PCDH11Y: variants seen among roughly 807,000 people sequenced by gnomAD.
The protein encoded by PCDH11Y is protocadherin 11 Y-linked, also known as protocadherin-11 Y-linked.
For missense variants in PCDH11Y, 12 were observed against 224.8 expected, an observed-to-expected ratio of 0.05 and a Z score of 6.05; for synonymous variants, 9 against 83.6, an observed-to-expected ratio of 0.11 and a Z score of 4.87.
intron 4 of PCDH11Y, among the ~76,000 whole-genome samples, chrY:5,713,179 C>CCT (rs2053587681): frequency 6.7e-5 from 1 of 14,943 alleles, no homozygotes; most frequent in Non-Finnish European, 1.5e-4. Context: ...AGCTGAATCT[C>CCT]CCCTCTATCA....
chrY:5,375,870 T>C, intron 2 of PCDH11Y, among the ~76,000 whole-genome samples: 1 of 33,204 alleles, frequency 3.0e-5, no homozygotes, highest in Non-Finnish European at 7.5e-5. Flanking sequence ...ATTTATTTAT[T>C]AATTATTGTA....
intron 2 of PCDH11Y, among the ~76,000 whole-genome samples, chrY:5,110,672 A>G (rs2052801921): frequency 3.1e-5 from 1 of 32,004 alleles, no homozygotes; most frequent in Non-Finnish European, 7.6e-5. Context: ...TACTTATTAT[A>G]TATCAGTTCT....
intron 4 of PCDH11Y, among the ~76,000 whole-genome samples, chrY:5,625,395 T>C: frequency 5.1e-5 from 1 of 19,558 alleles, no homozygotes; most frequent in Non-Finnish European, 1.2e-4. Flanking sequence ...CTTTTCTTTT[T>C]TTTTTTTTTT....
intron 2 of PCDH11Y, among the ~76,000 whole-genome samples, chrY:5,435,414 C>T: frequency 3.5e-5 from 1 of 28,898 alleles, no homozygotes; most frequent in Non-Finnish European, 8.2e-5. Flanking sequence ...CCCTGGTTCA[C>T]GCCATTCTCC....
intron 4 of PCDH11Y, among the ~76,000 whole-genome samples, chrY:5,605,366 G>C: frequency 3.0e-5 from 1 of 33,180 alleles, no homozygotes; most frequent in Non-Finnish European, 7.5e-5. Flanking sequence ...AATTGGCTCT[G>C]AGCCTCTGGG....
chrY:5,331,089 T>C (rs2124667548), intron 2 of PCDH11Y, among the ~76,000 whole-genome samples: 2 of 33,855 alleles, frequency 5.9e-5, no homozygotes, highest in Non-Finnish European at 1.5e-4. Context: ...TGATATCTAC[T>C]ATTTGATTTG....
At chrY:5,407,713 A>G in intron 2 of PCDH11Y, among the ~76,000 whole-genome samples, 8 of 31,163 alleles carry the variant, frequency 2.6e-4, no homozygotes, top group South Asian at 7.4e-4. Context: ...GGAAATTGAG[A>G]CCATTCTGGC....
At chrY:5,491,840 C>T in intron 2 of PCDH11Y, among the ~76,000 whole-genome samples, 2 of 30,790 alleles carry the variant, frequency 6.5e-5, no homozygotes, top group Non-Finnish European at 1.6e-4. Context: ...CCTGGTTATG[C>T]GCAGTGGCCG....
intron 1 of PCDH11Y, among the ~76,000 whole-genome samples, chrY:5,060,159 T>C: frequency 3.0e-5 from 1 of 33,010 alleles, no homozygotes; most frequent in African/African-American, 1.2e-4. Flanking sequence ...TGGCTCTACT[T>C]TTGTTGAATA....
chrY:5,445,459 T>TTCTTCTTCCTCTTCTTCTTCC (rs2053286864), intron 2 of PCDH11Y, among the ~76,000 whole-genome samples: 3 of 29,140 alleles, frequency 1.0e-4, no homozygotes, highest in African/African-American at 4.1e-4. Flanking sequence ...CCTCTTCTTC[T>TTCTTCTTCCTCTTCTTCTTCC]TCTTCTTCCT....
chrY:5,066,752 C>A (rs2052687875), intron 1 of PCDH11Y, among the ~76,000 whole-genome samples: 4 of 32,360 alleles, frequency 1.2e-4, no homozygotes, highest in Admixed American at 1.2e-3. Context: ...GCATTTAAAT[C>A]TTTTAATTTT....
intron 3 of PCDH11Y, among the ~76,000 whole-genome samples, chrY:5,539,630 A>T (rs2124692680): frequency 3.0e-5 from 1 of 33,373 alleles, no homozygotes; most frequent in East Asian, 7.8e-4. Flanking sequence ...GATGACAAAA[A>T]CAAAGATAAT....
At chrY:5,497,111 T>G in intron 2 of PCDH11Y, among the ~76,000 whole-genome samples, 3 of 33,719 alleles carry the variant, frequency 8.9e-5, no homozygotes, top group Non-Finnish European at 2.2e-4. Flanking sequence ...AACATACATG[T>G]GCATGAGTCT....
intron 4 of PCDH11Y, among the ~76,000 whole-genome samples, chrY:5,605,430 A>G: frequency 3.0e-5 from 1 of 33,445 alleles, no homozygotes; most frequent in Non-Finnish European, 7.4e-5. Flanking sequence ...TGAGCCACTT[A>G]AACTTTGATG....
chrY:5,041,078 T>TC (rs2052607304), intron 3 of PCDH11Y, among the ~76,000 whole-genome samples: 2 of 32,085 alleles, frequency 6.2e-5, no homozygotes, highest in South Asian at 1.4e-3. Flanking sequence ...TTTTTTTTTT[T>TC]CCTTTCTTTT....
chrY:5,407,808 G>C (rs2053241214), intron 2 of PCDH11Y, among the ~76,000 whole-genome samples: 1 of 30,378 alleles, frequency 3.3e-5, no homozygotes, highest in Non-Finnish European at 7.9e-5. Flanking sequence ...CCAGCTACTC[G>C]GGAGGCTGAG....
rs2053601000 is a variant in PCDH11Y, at chrY:5,728,856, T to C, written c.3353-8416T>C. Among the ~76,000 whole-genome samples the C allele has an allele frequency of 1.2e-4, 4 of 32,903 alleles. No homozygotes were observed. The South Asian group carries it at 2.7e-3, about 22-fold the overall frequency. 88.3% of individuals were successfully genotyped at this position (32,903 alleles called of 37,273 possible). ...GTACCCAATGTTTAGCTTCCACTTA[T>C]AAGGGAGAACATGCAATATTTGGCT... On this transcript the variant is annotated intron_variant, in intron 4 of 4. Transcript: ENST00000400457.
chrY:5,008,654 T>C lies in PCDH11Y; in HGVS notation c.-134+8049T>C, dbSNP rs200844659. 1.8e-3 allele frequency among the ~76,000 whole-genome samples: 58 copies of C among 32,802 alleles called. No homozygotes were observed. The East Asian group carries it at 0.044, about 25-fold the overall frequency. The allele number at this position is 32,802 out of a possible 37,273, so 88.0% of individuals were successfully genotyped here. On this transcript the variant is annotated intron_variant, in intron 1 of 5. Coordinates refer to the PCDH11Y transcript ENST00000333703. ...TATTTTACAAAAAGCAGTAGACATC[T>C]AGGACATTCTTTCCTTGTCCCTTGG...
chrY:5,261,575 G>A, intron 2 of PCDH11Y, among the ~76,000 whole-genome samples: 1 of 33,229 alleles, frequency 3.0e-5, no homozygotes, highest in Non-Finnish European at 7.4e-5. Flanking sequence ...TAGGGTATCT[G>A]GTAGAAGAGA....
Sources: allele counts gnomAD v4.1 joint callset (sites outside exome capture counted in the v4.1 genomes callset), GRCh38; gene constraint gnomAD v4.1.1; transcripts MANE v1.5; gene names NCBI Gene and HGNC (gene_info 2026-07-23, HGNC 2026-07-21).